TNS1: variants seen among roughly 807,000 people sequenced by gnomAD.
The protein encoded by TNS1 is tensin 1, also known as tensin-1.
A neutral mutation model predicts 168.6 loss-of-function variants in TNS1; 62 were observed. The observed-to-expected ratio is 0.37, with a 90% CI of 0.30 to 0.45. The LOEUF is 0.45. Ranked by LOEUF, TNS1 falls within the 20% of genes least tolerant of loss-of-function variation. The pLI, the probability that TNS1 is intolerant of heterozygous loss-of-function variation, is 1.00. For missense variants in TNS1, 2,240 were observed against 2,339.4 expected (o/e 0.96, Z 0.88); for synonymous variants, 934 against 933.2 (o/e 1.00, Z -0.02).
intron 3 of TNS1, among the ~76,000 whole-genome samples, chr2:217,947,807 G>A (rs1957147812): frequency 6.6e-6 from 1 of 152,176 alleles, no homozygotes; most frequent in South Asian, 2.1e-4. Context: ...GGGACAGGAA[G>A]GGGAGTTCAA....
Position 217,861,264 on chromosome 2 carries a change from C to T in TNS1, c.1430-12177G>A, listed in dbSNP as rs370452071. On this transcript the variant is annotated intron_variant, in intron 18 of 32. Coordinates refer to ENST00000682258, the MANE Select transcript of TNS1 (RefSeq NM_001387777.1). ...ATGGAGTGGGTCAGAACAAGCCAAT[C>T]GCCCCCTCGCTAGAGCCCTTCAGAT... 5.0e-4 allele frequency among the ~76,000 whole-genome samples: 76 copies of T among 152,202 alleles called. 1 individual carries two copies. Among genetic ancestry groups the T allele is most frequent in the African/African-American group, 1.7e-3 (71 of 41,546 alleles).
At chr2:217,869,270 G>A (rs1949557240) in intron 18 of TNS1, among the ~76,000 whole-genome samples, 1 of 152,220 alleles carries the variant, frequency 6.6e-6, no homozygotes, top group African/African-American at 2.4e-5. Flanking sequence ...CGAGGCTGAT[G>A]GAGAGATTGG....
chr2:217,956,985 G>C (rs528341416), intron 3 of TNS1, among the ~76,000 whole-genome samples: 4 of 152,214 alleles, frequency 2.6e-5, no homozygotes, highest in Admixed American at 2.0e-4. Context: ...ATCAGGGAGC[G>C]TCAGAGCAGT....
chr2:217,893,721 G>A (rs148253159), intron 9 of TNS1, among the ~76,000 whole-genome samples, 160 bp from the exon 10 acceptor site: 6 of 152,404 alleles, frequency 3.9e-5, no homozygotes, highest in Admixed American at 2.0e-4. Context: ...CAGCGAGGAG[G>A]CAGGGGAGTG....
intron 3 of TNS1, among the ~76,000 whole-genome samples, chr2:217,929,205 C>T (rs1384397370): frequency 6.6e-6 from 1 of 152,216 alleles, no homozygotes; most frequent in South Asian, 2.1e-4. Context: ...GATGGGCCTA[C>T]CCCAGGTGAA....
Position 217,813,866 on chromosome 2 carries a change from G to T in TNS1, c.4730-50C>A. The T allele has an allele frequency of 6.6e-7, 1 of 1,523,740 alleles. No homozygotes were observed. Among genetic ancestry groups the T allele is most frequent in the Non-Finnish European group, 8.8e-7 (1 of 1,135,586 alleles). The allele number at this position is 1,523,740 out of a possible 1,614,324, so 94.4% of individuals were successfully genotyped here. On this transcript the variant is annotated intron_variant, in intron 25 of 32. Transcript: ENST00000682258. The surrounding 1 kb of genome is among the most constrained non-coding windows in gnomAD (Gnocchi z 4.0). ...GAGGAGGAAGCAAGACCTCGGTGGCGCTAGTTTTACTTAAGTCTCATTGAG... is the reference window on the plus strand; with the variant it reads ...GAGGAGGAAGCAAGACCTCGGTGGCTCTAGTTTTACTTAAGTCTCATTGAG...
At chr2:217,846,991 GA>G (rs1364218470) in intron 19 of TNS1, among the ~76,000 whole-genome samples, 1 of 152,208 alleles carries the variant, frequency 6.6e-6, no homozygotes, top group Non-Finnish European at 1.5e-5. Flanking sequence ...ACCTAAGAGG[GA>G]ATTTGAGTCT....
chr2:217,829,440 T>C (rs577549152), intron 22 of TNS1, among the ~76,000 whole-genome samples: 1 of 152,234 alleles, frequency 6.6e-6, no homozygotes, highest in Admixed American at 6.5e-5. Context: ...GTGGAGAATC[T>C]CTTCTCTGAG....
At chr2:217,918,037 G>A (rs13426335) in intron 4 of TNS1, among the ~76,000 whole-genome samples, 44,014 of 151,872 alleles carry the variant, frequency 0.29, 7,394 homozygotes, top group African/African-American at 0.47. Context: ...GACAAGACAC[G>A]GGTGAACGAG....
Position 217,956,500 on chromosome 2 carries a change from C to T in TNS1, c.186+22265G>A, listed in dbSNP as rs76515944. ...TGAAACACCCGAAGGAGCAAGGCTG[C>T]GGGGAGAGGATGGAGACACAGGCGC... On this transcript the variant is annotated intron_variant, in intron 3 of 32. Transcript: ENST00000682258. 3.5e-4 allele frequency among the ~76,000 whole-genome samples: 54 copies of T among 152,158 alleles called. No homozygotes were observed. In the East Asian group the frequency reaches 7.5e-3, roughly 21 times the overall value.
chr2:218,014,266 C>T (rs1254588351), upstream of TNS1, among the ~76,000 whole-genome samples: 2 of 152,174 alleles, frequency 1.3e-5, no homozygotes, highest in East Asian at 1.9e-4. Flanking sequence ...CCTTTCTCCA[C>T]CATTAGATGG....
chr2:217,810,067 G>A (rs1940553676), intron 29 of TNS1, 76 bp from the exon 30 acceptor site: 1 of 1,529,822 alleles, frequency 6.5e-7, no homozygotes, highest in African/African-American at 1.4e-5. Context: ...CATTCTTCAG[G>A]GAGAAGGTAG....
rs1027812992 is a variant in TNS1, at chr2:217,854,295, G to A, written c.1430-5208C>T. Reference sequence around the variant, plus strand: ...ACGGCCCAACCATGAAGAATAAAAGGTGCCAGCCATATTGACTGCAAGAAA... The same window carrying A: ...ACGGCCCAACCATGAAGAATAAAAGATGCCAGCCATATTGACTGCAAGAAA... On this transcript the variant is annotated intron_variant, in intron 18 of 32. Coordinates refer to ENST00000682258, the MANE Select transcript of TNS1 (RefSeq NM_001387777.1). Among the ~76,000 whole-genome samples, 4 of 152,184 alleles carry A rather than the reference G, an allele frequency of 2.6e-5. No individual in the cohort carries two copies. The East Asian group carries it at 5.8e-4, about 22-fold the overall frequency.
chr2:217,909,507 G>A (rs1954104662), intron 4 of TNS1, among the ~76,000 whole-genome samples: 1 of 151,764 alleles, frequency 6.6e-6, no homozygotes, highest in South Asian at 2.1e-4. Context: ...TGAGCCCAGG[G>A]GTCTCAAACT....
At chr2:217,942,515 A>G (rs906203688) in intron 3 of TNS1, among the ~76,000 whole-genome samples, 14 of 152,116 alleles carry the variant, frequency 9.2e-5, no homozygotes, top group African/African-American at 3.1e-4. Context: ...CTGAGGTCCA[A>G]GGAGAGCTGT....
intron 10 of TNS1, 85 bp from the exon 11 acceptor site, chr2:217,893,097 G>C: frequency 6.5e-7 from 1 of 1,538,190 alleles, no homozygotes; most frequent in Non-Finnish European, 9.0e-7. Flanking sequence ...TGGTGGAAAA[G>C]AGTCAGGGCT....
chr2:217,860,886 G>C (rs911347573), intron 18 of TNS1, among the ~76,000 whole-genome samples: 17 of 152,092 alleles, frequency 1.1e-4, no homozygotes, highest in African/African-American at 3.9e-4. Flanking sequence ...CCTGCCAGTG[G>C]CAACCCCATC....
chr2:217,894,319 C>T (rs973729024), intron 9 of TNS1, among the ~76,000 whole-genome samples: 1 of 152,164 alleles, frequency 6.6e-6, no homozygotes, highest in Admixed American at 6.5e-5. Flanking sequence ...GGAGCAGATG[C>T]CCATGGCAAA....
chr2:217,921,504 C>T (rs1178689657), intron 3 of TNS1, among the ~76,000 whole-genome samples: 1 of 152,184 alleles, frequency 6.6e-6, no homozygotes, highest in Non-Finnish European at 1.5e-5. Flanking sequence ...CCAGGGATTC[C>T]CCAGGCTTGA....
Sources: gnomAD v4.1 joint callset for allele counts (sites outside exome capture counted in the v4.1 genomes callset) on GRCh38, gnomAD v4.1.1 for gene constraint, Gnocchi (gnomAD v3.1) non-coding constraint, MANE v1.5 for transcripts, NCBI Gene and HGNC (gene_info 2026-07-23, HGNC 2026-07-21) for gene names.